Variants in KIF2C observed in about 807,000 individuals in gnomAD.
KIF2C encodes the protein kinesin family member 2C.
KIF2C carries 34 observed loss-of-function variants against 97.4 expected under a neutral mutation model. The observed-to-expected ratio is 0.35, with a 90% confidence interval of 0.27 to 0.46. The LOEUF (loss-of-function observed/expected upper bound fraction) is 0.46, where lower values mean the gene tolerates loss of function less well. Among genes scored for constraint, KIF2C ranks in the 20% least tolerant of loss-of-function variants. KIF2C has a pLI of 1.00. For synonymous variants in KIF2C, 313 were observed against 318.2 expected (o/e 0.98, Z 0.17); for missense variants, 750 against 907.6 (o/e 0.83, Z 2.23).
At chr1:44,757,717 A>G in intron 11 of KIF2C, 71 bp downstream of exon 11, 1 of 1,226,706 alleles carries the variant, frequency 8.2e-7, no homozygotes, top group Non-Finnish European at 1.2e-6. Flanking sequence ...AAGGGAGACA[A>G]TGAGTTTGTT....
rs1650171602 is a variant in KIF2C at position 44,762,044 on chromosome 1, TGA to T, written c.1751+65_1751+66del. The T allele has an allele frequency of 3.4e-6, 5 of 1,476,678 alleles. No individual in the cohort carries two copies. In the South Asian group the frequency reaches 3.4e-5, roughly 10 times the overall value. 91.5% of individuals were successfully genotyped at this position (1,476,678 alleles called of 1,614,324 possible). Reference sequence around the variant, plus strand: ...GGACTGGGCAAGGGAAGGGCAGTGATGAGAGGGGAGGAGGCTCTGGGGCCTCA... The same window carrying T: ...GGACTGGGCAAGGGAAGGGCAGTGATGAGGGGAGGAGGCTCTGGGGCCTCA... On this transcript the variant is annotated intron_variant, in intron 17 of 20. Transcript: ENST00000372224.
At position 44,767,350 on chromosome 1, in the gene KIF2C, G is replaced by A. The variant is rs1450928321; in HGVS notation, c.*171G>A. ...GGGCAGCTGGGGAGGGGGTCAGAGT[G>A]ACATGGGACACTCCTTTTCTGTTCC... On this transcript the variant is annotated 3_prime_UTR_variant, in exon 21 of 21. Coordinates refer to ENST00000372224, the MANE Select transcript of KIF2C (RefSeq NM_006845.4). 1 of 580,840 alleles carries A rather than the reference G, an allele frequency of 1.7e-6. No individual in the cohort carries two copies. Among genetic ancestry groups the A allele is most frequent in the African/African-American group, 1.9e-5 (1 of 53,356 alleles). 36.0% of individuals were successfully genotyped at this position (580,840 alleles called of 1,614,324 possible). A position where few individuals can be genotyped will look rare whatever the true frequency, so the allele number is the denominator to read the frequency against.
Position 44,747,367 on chromosome 1 carries a change from T to C in KIF2C, c.166-17T>C. On this transcript the variant is annotated splice_polypyrimidine_tract_variant and intron_variant, in intron 2 of 20. Transcript: ENST00000372224. Reference sequence around the variant, plus strand: ...GAACAATGTTGTTTCATTGAAACTTTTACTTGCTCCTTGCAGATTGATTTT... The same window carrying C: ...GAACAATGTTGTTTCATTGAAACTTCTACTTGCTCCTTGCAGATTGATTTT... 1 of 1,587,680 alleles carries C rather than the reference T, an allele frequency of 6.3e-7. No homozygotes were observed. The highest frequency in any genetic ancestry group is 8.6e-7 in the Non-Finnish European group (1 of 1,163,238).
chr1:44,765,652 G>A (rs1440753086), intron 19 of KIF2C, among the ~76,000 whole-genome samples: 2 of 152,134 alleles, frequency 1.3e-5, no homozygotes, highest in Non-Finnish European at 2.9e-5. Context: ...GGCCAACATA[G>A]TGAAACCCTG....
chr1:44,740,164 C>T, intron 1 of KIF2C, 162 bp downstream of exon 1: 1 of 843,870 alleles, frequency 1.2e-6, no homozygotes, highest in Non-Finnish European at 2.0e-6. Flanking sequence ...TCATTCTTGC[C>T]TACACAGGGG....
chr1:44,759,174 G>A lies in KIF2C; in HGVS notation c.1225-32G>A, dbSNP rs748490400. ...TCGGGTGGGGTGCCGGGTGCCCAGTGGCCTTAGCCTCATTCCCCCTGCCTG... is the reference window on the plus strand; with the variant it reads ...TCGGGTGGGGTGCCGGGTGCCCAGTAGCCTTAGCCTCATTCCCCCTGCCTG... On this transcript the variant is annotated intron_variant, in intron 13 of 20. Transcript: ENST00000372224. 2.5e-6 allele frequency: 4 copies of A among 1,612,758 alleles called. No individual in the cohort carries two copies. The African/African-American group carries it at 4.0e-5, about 16-fold the overall frequency.
At chr1:44,746,820 A>C (rs1649219997) in intron 2 of KIF2C, 5 of 1,512,912 alleles carry the variant, frequency 3.3e-6, no homozygotes, top group Non-Finnish European at 3.6e-6. Context: ...GTGGAACTTA[A>C]AGTTGGTAAA....
At chr1:44,747,203 G>T (rs749369439) in intron 2 of KIF2C, among the ~76,000 whole-genome samples, 181 bp from the exon 3 acceptor site, 12 of 151,722 alleles carry the variant, frequency 7.9e-5, no homozygotes, top group Non-Finnish European at 1.6e-4. Flanking sequence ...AGCTACTCAG[G>T]AGGCTGAGGC....
At chr1:44,762,012 C>T (rs768964524) in intron 17 of KIF2C, 29 bp downstream of exon 17, 15 of 1,591,724 alleles carry the variant, frequency 9.4e-6, no homozygotes, top group East Asian at 6.7e-5. Flanking sequence ...AGGTGGGATG[C>T]GGAACAGGAC....
chr1:44,762,805 T>C, intron 19 of KIF2C, 147 bp downstream of exon 19: 1 of 598,064 alleles, frequency 1.7e-6, no homozygotes. Context: ...TTTAATTCTT[T>C]GCCTGTTAAC....
At position 44,752,843 on chromosome 1, in the gene KIF2C, C is replaced by T. The variant is rs1649599989; in HGVS notation, c.440-289C>T. ...ACCTGGCCTGGCCTGAGAACCCATG[C>T]TTGGGTGAAGTCTAAAGAGTTCACG... is the stretch of plus-strand genomic sequence containing the variant. On this transcript the variant is annotated intron_variant, in intron 5 of 20. Coordinates refer to ENST00000372224, the MANE Select transcript of KIF2C (RefSeq NM_006845.4). Among the ~76,000 whole-genome samples the T allele has an allele frequency of 2.0e-5, 3 of 152,236 alleles. No individual in the cohort carries two copies. In the South Asian group the frequency reaches 6.2e-4, roughly 31 times the overall value.
intron 2 of KIF2C, chr1:44,746,279 G>A: frequency 2.7e-6 from 2 of 747,402 alleles, no homozygotes; most frequent in Non-Finnish European, 3.3e-6. Flanking sequence ...TAATATGTCT[G>A]AACCTGTTGT....
chr1:44,741,404 G>A (rs1000274274), intron 2 of KIF2C, among the ~76,000 whole-genome samples: 60 of 151,438 alleles, frequency 4.0e-4, no homozygotes, highest in Non-Finnish European at 7.2e-4. Flanking sequence ...AAAAAAATTG[G>A]CTGGGTGCGG....
At chr1:44,748,100 CTA>C (rs1175923172) in intron 4 of KIF2C, among the ~76,000 whole-genome samples, 1 of 152,070 alleles carries the variant, frequency 6.6e-6, no homozygotes, top group Non-Finnish European at 1.5e-5. Context: ...GTTGGTGGCG[CTA>C]TAGAGAGGGA....
chr1:44,760,870 T>C lies in KIF2C; in HGVS notation c.1683+168T>C, dbSNP rs1188776248. The stretch of plus-strand genomic sequence containing the variant: ...ACCCTGCTTTAATGCACGAGACTCC[T>C]TGTGGCCTAACCAAGCGTGGAGGAA... On this transcript the variant is annotated intron_variant, in intron 16 of 20. Transcript: ENST00000372224. This position sits in a 1 kb window ranked among gnomAD's most constrained non-coding sequence, Gnocchi z 4.2. 5 of 611,284 alleles carry C rather than the reference T, an allele frequency of 8.2e-6. No individual in the cohort carries two copies. The highest frequency in any genetic ancestry group is 1.5e-5 in the Non-Finnish European group (5 of 341,964). 37.9% of individuals were successfully genotyped at this position (611,284 alleles called of 1,614,324 possible).
intron 2 of KIF2C, among the ~76,000 whole-genome samples, chr1:44,747,101 A>G (rs1157386248): frequency 6.6e-6 from 1 of 152,050 alleles, no homozygotes; most frequent in Non-Finnish European, 1.5e-5. Flanking sequence ...TGAGGCCAGG[A>G]GTTTGAGACC....
At chr1:44,741,540 CAG>C (rs1648936106) in intron 2 of KIF2C, among the ~76,000 whole-genome samples, 1 of 151,944 alleles carries the variant, frequency 6.6e-6, no homozygotes, top group South Asian at 2.1e-4. Context: ...TAAAAATTAT[CAG>C]GGTGTGGTGG....
intron 19 of KIF2C, among the ~76,000 whole-genome samples, chr1:44,764,833 C>A (rs1650366023): frequency 6.6e-6 from 1 of 152,042 alleles, no homozygotes; most frequent in African/African-American, 2.4e-5. Flanking sequence ...TAAAAAGAAT[C>A]ATTTGACCGG....
At chr1:44,744,814 C>T (rs1649104236) in intron 2 of KIF2C, among the ~76,000 whole-genome samples, 1 of 152,020 alleles carries the variant, frequency 6.6e-6, no homozygotes, top group African/African-American at 2.4e-5. Context: ...GCGGAAGAAT[C>T]GCTTGAACCC....
Sources: allele counts gnomAD v4.1 joint callset (sites outside exome capture counted in the v4.1 genomes callset), GRCh38; gene constraint gnomAD v4.1.1; non-coding constraint Gnocchi (gnomAD v3.1); transcripts MANE v1.5; gene names NCBI Gene and HGNC (gene_info 2026-07-23, HGNC 2026-07-21).